IL1RAPL2: variants seen among roughly 807,000 people sequenced by gnomAD.
IL1RAPL2 encodes the protein X-linked interleukin-1 receptor accessory protein-like 2.
A neutral mutation model predicts 44.1 loss-of-function variants in IL1RAPL2; 3 were observed. That is an observed-to-expected ratio of 0.07 (90% CI 0.03 to 0.18). The LOEUF is 0.18. IL1RAPL2 is among the 10% of genes least tolerant of loss of function. The probability of loss-of-function intolerance (pLI) is 1.00; values close to 1 mark genes in which losing one functional copy is unlikely to be tolerated. For synonymous variants in IL1RAPL2, 181 were observed against 178.8 expected (o/e 1.01, Z -0.10); for missense variants, 391 against 496.4 (o/e 0.79, Z 2.02).
At chrX:105,075,313 T>C (rs2071707220) in intron 2 of IL1RAPL2, among the ~76,000 whole-genome samples, 1 of 112,182 alleles carries the variant, frequency 8.9e-6, no homozygotes, top group South Asian at 3.7e-4. Flanking sequence ...GTGGTTTTTG[T>C]CTTTGGTTCT....
chrX:105,229,022 T>C (rs1355175320), intron 3 of IL1RAPL2, among the ~76,000 whole-genome samples: 2 of 112,150 alleles, frequency 1.8e-5, no homozygotes, highest in Non-Finnish European at 3.8e-5. Context: ...TTTGCCTACA[T>C]TGAGCCTGAA....
rs747769283 is a variant in IL1RAPL2 at position 104,868,990 on chromosome X, T to C, written c.82+209995T>C. ...AGCATATGTTAATGTCAAATATTCATTTGTTTTAATATCAATGATTCTGCC... is the reference window on the plus strand; with the variant it reads ...AGCATATGTTAATGTCAAATATTCACTTGTTTTAATATCAATGATTCTGCC... On this transcript the variant is annotated intron_variant, in intron 2 of 10. Coordinates refer to ENST00000372582, the MANE Select transcript of IL1RAPL2 (RefSeq NM_017416.2). Among the ~76,000 whole-genome samples, 3 of 111,861 alleles carry C rather than the reference T, an allele frequency of 2.7e-5. No individual in the cohort carries two copies. In the East Asian group the frequency reaches 8.4e-4, roughly 31 times the overall value.
intron 2 of IL1RAPL2, among the ~76,000 whole-genome samples, chrX:104,892,115 T>A (rs749162615): frequency 3.1e-4 from 35 of 111,943 alleles, no homozygotes; most frequent in African/African-American, 1.1e-3. Flanking sequence ...TTGCATATGT[T>A]GAACCAGCCT....
chrX:105,018,044 C>T (rs952227865), intron 2 of IL1RAPL2, among the ~76,000 whole-genome samples: 8 of 111,479 alleles, frequency 7.2e-5, no homozygotes, highest in African/African-American at 2.6e-4. Context: ...CTGGAATTCC[C>T]ACAATTAGAC....
chrX:104,812,525 G>GT lies in IL1RAPL2; in HGVS notation c.82+153539dup, dbSNP rs200848282. The stretch of plus-strand genomic sequence containing the variant: ...TGAAGAATGAAGACAAGATTGTTCT[G>GT]TTTTTTTTTCTGCCTTAACAAGAGC... On this transcript the variant is annotated intron_variant, in intron 2 of 10. Transcript: ENST00000372582. Among the ~76,000 whole-genome samples, 38 of 108,388 alleles carry GT rather than the reference G, an allele frequency of 3.5e-4. No individual in the cohort carries two copies. In the South Asian group the frequency reaches 4.8e-3, roughly 14 times the overall value. The allele number at this position is 108,388 out of a possible 115,157, so 94.1% of individuals were successfully genotyped here. A position where few individuals can be genotyped will look rare whatever the true frequency, so the allele number is the denominator to read the frequency against.
At chrX:105,185,633 C>A (rs1556133443) in intron 2 of IL1RAPL2, among the ~76,000 whole-genome samples, 1 of 111,668 alleles carries the variant, frequency 9.0e-6, no homozygotes, top group African/African-American at 3.3e-5. Context: ...TTTCTGATCT[C>A]CAGCCAGCTC....
At chrX:105,691,569 A>G (rs1010737543) in intron 6 of IL1RAPL2, among the ~76,000 whole-genome samples, 8 of 111,964 alleles carry the variant, frequency 7.1e-5, no homozygotes, top group Admixed American at 1.9e-4. Flanking sequence ...CAGTGTCAGC[A>G]TAGTTCTATT....
intron 5 of IL1RAPL2, among the ~76,000 whole-genome samples, chrX:105,295,465 A>C (rs1461130317): frequency 8.9e-6 from 1 of 111,880 alleles, no homozygotes; most frequent in African/African-American, 3.2e-5. Context: ...GACAGGTGTA[A>C]AGTGAATCCT....
At chrX:105,338,396 G>C (rs944417602) in intron 5 of IL1RAPL2, among the ~76,000 whole-genome samples, 27 of 111,844 alleles carry the variant, frequency 2.4e-4, no homozygotes, top group African/African-American at 8.1e-4. Context: ...AAACATAGAG[G>C]CTGTTCCTAA....
Position 104,988,868 on chromosome X carries a change from T to A in IL1RAPL2, c.83-206607T>A, listed in dbSNP as rs756252779. 4.5e-5 allele frequency among the ~76,000 whole-genome samples: 5 copies of A among 112,237 alleles called. No individual in the cohort carries two copies. In the South Asian group the frequency reaches 1.9e-3, roughly 42 times the overall value. On this transcript the variant is annotated intron_variant, in intron 2 of 10. Coordinates refer to ENST00000372582, the MANE Select transcript of IL1RAPL2 (RefSeq NM_017416.2). ...TACAACTATGTGATGGTATAGGAAC[T>A]GCTGATACTATTTGTACTCACTTAA...
intron 6 of IL1RAPL2, among the ~76,000 whole-genome samples, chrX:105,544,675 G>T (rs1282538569): frequency 2.7e-5 from 3 of 111,193 alleles, no homozygotes; most frequent in Non-Finnish European, 1.9e-5. Flanking sequence ...CTTTTAATTT[G>T]GGAATTTAGC....
At chrX:104,769,130 C>T (rs1410177146) in intron 2 of IL1RAPL2, among the ~76,000 whole-genome samples, 4 of 111,518 alleles carry the variant, frequency 3.6e-5, no homozygotes, top group African/African-American at 1.3e-4. Flanking sequence ...AACATTCCTT[C>T]CAGGACTAGT....
chrX:104,648,534 T>C (rs57543797), intron 1 of IL1RAPL2, among the ~76,000 whole-genome samples: 1 of 111,957 alleles, frequency 8.9e-6, no homozygotes, highest in African/African-American at 3.3e-5. Flanking sequence ...AACACTTTTA[T>C]TGATGGAAGA....
chrX:105,648,947 T>A (rs2037625235), intron 6 of IL1RAPL2, among the ~76,000 whole-genome samples: 1 of 111,254 alleles, frequency 9.0e-6, no homozygotes, highest in Admixed American at 9.6e-5. Context: ...CACCTAGTGG[T>A]CCCTGAGGGT....
rs147899481 is a variant in IL1RAPL2 at position 105,155,662 on chromosome X, G to A, written c.83-39813G>A. ...TGGGAGGAGAGACTACAGAGAGGGG[G>A]CCTGGTTAGGAGGTTGTAATAGGGT... is the stretch of plus-strand genomic sequence containing the variant. On this transcript the variant is annotated intron_variant, in intron 2 of 10. Coordinates refer to ENST00000372582, the MANE Select transcript of IL1RAPL2 (RefSeq NM_017416.2). Among the ~76,000 whole-genome samples, 9 of 111,295 alleles carry A rather than the reference G, an allele frequency of 8.1e-5. No homozygotes were observed. The East Asian group carries it at 2.6e-3, about 32-fold the overall frequency.
intron 6 of IL1RAPL2, among the ~76,000 whole-genome samples, chrX:105,637,066 T>C (rs1356391197): frequency 3.6e-5 from 4 of 110,799 alleles, no homozygotes; most frequent in Non-Finnish European, 7.6e-5. Context: ...AGGTTCCAGA[T>C]TACAATCTGA....
At chrX:105,657,060 CTAT>C (rs1569462416) in intron 6 of IL1RAPL2, among the ~76,000 whole-genome samples, 3 of 111,697 alleles carry the variant, frequency 2.7e-5, no homozygotes, top group Non-Finnish European at 3.8e-5. Context: ...CACACTACTA[CTAT>C]GACTCTGACT....
At chrX:104,865,179 G>T (rs775086403) in intron 2 of IL1RAPL2, among the ~76,000 whole-genome samples, 2 of 111,437 alleles carry the variant, frequency 1.8e-5, no homozygotes, top group South Asian at 3.8e-4. Context: ...AAACAATATC[G>T]CATCCCTGGA....
Position 104,582,781 on chromosome X carries a change from CTCTT to C in IL1RAPL2, c.-20+15741_-20+15744del, listed in dbSNP as rs776744856. On this transcript the variant is annotated intron_variant, in intron 1 of 10. Coordinates refer to ENST00000372582, the MANE Select transcript of IL1RAPL2 (RefSeq NM_017416.2). ...CTTTCTTTCTTTTTTCTTTCTCTCT[CTCTT>C]TCTTTCTTTCCCTCTCTCTCTTTCT... 4.0e-4 allele frequency among the ~76,000 whole-genome samples: 35 copies of C among 87,847 alleles called. No individual in the cohort carries two copies. In the East Asian group the frequency reaches 5.0e-3, roughly 12 times the overall value. 76.3% of individuals were successfully genotyped at this position (87,847 alleles called of 115,157 possible).
Sources: gnomAD v4.1 joint callset for allele counts (sites outside exome capture counted in the v4.1 genomes callset) on GRCh38, gnomAD v4.1.1 for gene constraint, MANE v1.5 for transcripts, NCBI Gene and HGNC (gene_info 2026-07-23, HGNC 2026-07-21) for gene names.